Variants in GPC5 observed in about 807,000 individuals in gnomAD.
GPC5 encodes the protein glypican 5.
A neutral mutation model predicts 53.9 loss-of-function variants in GPC5; 47 were observed. That is an observed-to-expected ratio of 0.87 (90% CI 0.69 to 1.11). The LOEUF (loss-of-function observed/expected upper bound fraction) is 1.11, where lower values mean the gene tolerates loss of function less well. Ranked by LOEUF, GPC5 falls within the 50% of genes most tolerant of loss-of-function variation. The pLI is 0.00. For missense variants in GPC5, 748 were observed against 713.1 expected (o/e 1.05, Z -0.56); for synonymous variants, 286 against 263.3 (o/e 1.09, Z -0.84).
At chr13:92,030,958 C>G (rs1365296894) in intron 6 of GPC5, among the ~76,000 whole-genome samples, 1 of 152,186 alleles carries the variant, frequency 6.6e-6, no homozygotes, top group African/African-American at 2.4e-5. Context: ...GGCCGTGTGA[C>G]AAGGACCCTG....
intron 7 of GPC5, among the ~76,000 whole-genome samples, chr13:92,555,610 A>AAT (rs1882467218): frequency 6.7e-6 from 1 of 150,206 alleles, no homozygotes; most frequent in African/African-American, 2.4e-5. Flanking sequence ...ATAAATATAT[A>AAT]ATATAAGATA....
chr13:92,662,719 A>G (rs1886391925), intron 7 of GPC5, among the ~76,000 whole-genome samples: 1 of 152,178 alleles, frequency 6.6e-6, no homozygotes, highest in African/African-American at 2.4e-5. Context: ...AGTGACCGAA[A>G]GATACTCACC....
intron 7 of GPC5, among the ~76,000 whole-genome samples, chr13:92,196,137 T>TG (rs1013913747): frequency 4.2e-5 from 6 of 142,922 alleles, no homozygotes; most frequent in Admixed American, 4.1e-4. Context: ...TAATATTTAT[T>TG]GGGAAAAAAG....
At chr13:92,826,443 T>C (rs572562143) in intron 7 of GPC5, among the ~76,000 whole-genome samples, 1 of 152,086 alleles carries the variant, frequency 6.6e-6, no homozygotes, top group African/African-American at 2.4e-5. Context: ...AGACAACATA[T>C]AAATTGCTGC....
intron 7 of GPC5, among the ~76,000 whole-genome samples, chr13:92,624,336 C>G (rs558340958): frequency 7.9e-4 from 120 of 152,252 alleles, no homozygotes; most frequent in African/African-American, 2.8e-3. Context: ...TCCCAAAATG[C>G]TGGTATTACA....
At chr13:91,426,527 T>A (rs534182933) in intron 1 of GPC5, among the ~76,000 whole-genome samples, 1 of 152,194 alleles carries the variant, frequency 6.6e-6, no homozygotes, top group East Asian at 1.9e-4. Flanking sequence ...TCCCAAAACC[T>A]AAAAGTAGGG....
intron 5 of GPC5, among the ~76,000 whole-genome samples, chr13:91,799,444 C>T (rs1366404303): frequency 1.3e-5 from 2 of 152,008 alleles, no homozygotes; most frequent in Non-Finnish European, 2.9e-5. Flanking sequence ...CACAATATAC[C>T]CATGTAACAA....
At chr13:92,830,158 G>A (rs1000231051) in intron 7 of GPC5, among the ~76,000 whole-genome samples, 5 of 151,994 alleles carry the variant, frequency 3.3e-5, no homozygotes, top group Non-Finnish European at 4.4e-5. Flanking sequence ...TTGCATAAAC[G>A]TCCCTGGCTA....
intron 7 of GPC5, among the ~76,000 whole-genome samples, chr13:92,417,675 C>A (rs934508363): frequency 6.6e-6 from 1 of 152,026 alleles, no homozygotes; most frequent in Non-Finnish European, 1.5e-5. Flanking sequence ...GATTTCGAGG[C>A]CAACCTGGAC....
intron 6 of GPC5, among the ~76,000 whole-genome samples, chr13:92,135,283 G>A (rs1322345539): frequency 1.3e-5 from 2 of 152,038 alleles, no homozygotes; most frequent in Non-Finnish European, 2.9e-5. Flanking sequence ...TGTTTCACAA[G>A]AGCCATTTCA....
At chr13:92,794,209 G>T (rs953221709) in intron 7 of GPC5, among the ~76,000 whole-genome samples, 2 of 152,070 alleles carry the variant, frequency 1.3e-5, no homozygotes, top group Admixed American at 6.6e-5. Context: ...TTCATCCCTG[G>T]GATGCAAGGT....
chr13:91,952,121 T>C (rs1295198542), intron 6 of GPC5, among the ~76,000 whole-genome samples: 4 of 152,060 alleles, frequency 2.6e-5, no homozygotes, highest in East Asian at 3.8e-4. Context: ...CTGCTAGGTA[T>C]TATGAATACA....
chr13:91,748,156 C>T (rs1018704299), intron 4 of GPC5, among the ~76,000 whole-genome samples: 3 of 152,198 alleles, frequency 2.0e-5, no homozygotes, highest in African/African-American at 7.2e-5. Flanking sequence ...CTATCTCTGT[C>T]TTCATAACGC....
intron 6 of GPC5, among the ~76,000 whole-genome samples, chr13:92,030,433 G>C (rs9516004): frequency 0.98 from 149,883 of 152,278 alleles, 73,804 homozygotes; most frequent in Middle Eastern, 1. Flanking sequence ...TAGATCTTAC[G>C]CCCTTCTTAA....
intron 7 of GPC5, among the ~76,000 whole-genome samples, chr13:92,268,974 T>C (rs1238473874): frequency 6.6e-6 from 1 of 152,082 alleles, no homozygotes; most frequent in Non-Finnish European, 1.5e-5. Flanking sequence ...TTGGTTGTTA[T>C]ATTCATATTT....
intron 7 of GPC5, among the ~76,000 whole-genome samples, chr13:92,388,726 C>A (rs187126564): frequency 1.3e-3 from 203 of 152,140 alleles, no homozygotes; most frequent in Non-Finnish European, 2.3e-3. Flanking sequence ...TTATTATCAG[C>A]AAGCAAAAGT....
In GPC5 at chr13:92,055,223, A is replaced by T. The variant is rs562940377; in HGVS notation, c.1402-89607A>T. Among the ~76,000 whole-genome samples the T allele has an allele frequency of 2.0e-5, 3 of 152,268 alleles. No individual in the cohort carries two copies. In the East Asian group the frequency reaches 5.8e-4, roughly 29 times the overall value. On this transcript the variant is annotated intron_variant, in intron 6 of 7. Coordinates refer to ENST00000377067, the MANE Select transcript of GPC5 (RefSeq NM_004466.6). ...TTGTTTTGATGAAAACTCTGAAGAC[A>T]ATTTGGAGGCTGTTTGTCAGACTCT...
intron 6 of GPC5, among the ~76,000 whole-genome samples, chr13:92,015,690 C>G (rs978180737): frequency 1.3e-5 from 2 of 152,092 alleles, no homozygotes; most frequent in Admixed American, 6.6e-5. Context: ...GGTGGAATAA[C>G]TTTTTCATGT....
At chr13:92,852,568 T>G (rs1878852528) in intron 7 of GPC5, among the ~76,000 whole-genome samples, 1 of 152,082 alleles carries the variant, frequency 6.6e-6, no homozygotes, top group African/African-American at 2.4e-5. Context: ...GGTGGAAGCT[T>G]TTTTTATTTT....
Sources: gnomAD v4.1 joint callset for allele counts (sites outside exome capture counted in the v4.1 genomes callset) on GRCh38, gnomAD v4.1.1 for gene constraint, MANE v1.5 for transcripts, NCBI Gene and HGNC (gene_info 2026-07-23, HGNC 2026-07-21) for gene names.